The following CATSPERE variants were observed in gnomAD, a reference collection of about 807,000 sequenced individuals.
The protein encoded by CATSPERE is catsper channel auxiliary subunit epsilon.
In CATSPERE, 93 loss-of-function variants were observed where a neutral mutation model predicts 114.1. That is an observed-to-expected ratio of 0.81 (90% CI 0.69 to 0.97). The LOEUF is 0.97. Ranked by LOEUF, CATSPERE falls within the 50% of genes least tolerant of loss-of-function variation. CATSPERE has a pLI of 0.00. For synonymous variants in CATSPERE, 341 were observed against 384.1 expected (o/e 0.89, Z 1.31); for missense variants, 1,058 against 1,131.6 (o/e 0.93, Z 0.93).
intron 10 of CATSPERE, among the ~76,000 whole-genome samples, chr1:244,571,847 T>C (rs1337267042): frequency 6.6e-6 from 1 of 152,162 alleles, no homozygotes; most frequent in African/African-American, 2.4e-5. Flanking sequence ...CCCTGGTGTC[T>C]CTTCCTTTTC....
chr1:244,572,690 T>G lies in CATSPERE; in HGVS notation c.1868T>G (p.Val623Gly). 6.2e-7 allele frequency: 1 copy of G among 1,613,940 alleles called. No homozygotes were observed. Among genetic ancestry groups the G allele is most frequent in the Non-Finnish European group, 8.5e-7 (1 of 1,179,922 alleles). The change falls in exon 11 of 22, where the codon GTG becomes GGG. Residue 623 changes from valine to glycine, a missense_variant. Transcript: ENST00000366534. The part of the protein sequence containing the change: ...YPENTGLYVI[V>G]ESYGPKILQE... ...GAAAACACTGGTCTGTATGTTATTG[T>G]GGAATCTTATGGCCCAAAAATATTA...
At chr1:244,637,805 C>T (rs902433916) in intron 21 of CATSPERE, among the ~76,000 whole-genome samples, 6 of 152,186 alleles carry the variant, frequency 3.9e-5, no homozygotes, top group African/African-American at 1.4e-4. Context: ...CTCAAACCTG[C>T]TTTCCTTAAT....
At chr1:244,502,593 C>T (rs976142779) in intron 7 of CATSPERE, among the ~76,000 whole-genome samples, 3 of 152,176 alleles carry the variant, frequency 2.0e-5, no homozygotes, top group Admixed American at 6.5e-5. Flanking sequence ...CGGCTCCTTA[C>T]TTCCACTGTT....
At chr1:244,553,344 A>G (rs1269341470) in intron 9 of CATSPERE, among the ~76,000 whole-genome samples, 5 of 151,774 alleles carry the variant, frequency 3.3e-5, no homozygotes, top group Non-Finnish European at 5.9e-5. Context: ...GGCAGATCAC[A>G]ATGTCAGGAG....
chr1:244,594,773 C>G (rs1217730153), intron 17 of CATSPERE, among the ~76,000 whole-genome samples: 2 of 152,162 alleles, frequency 1.3e-5, no homozygotes, highest in African/African-American at 4.8e-5. Flanking sequence ...GCTACCAGAA[C>G]TTTTCCCACT....
At chr1:244,485,048 C>T (rs3003308) in intron 5 of CATSPERE, among the ~76,000 whole-genome samples, 96,589 of 151,680 alleles carry the variant, frequency 0.64, 31,048 homozygotes, top group Middle Eastern at 0.73. Context: ...TCTCTGTGGT[C>T]GTTTTAAGAT....
At chr1:244,492,059 A>G (rs1365750627) in intron 6 of CATSPERE, among the ~76,000 whole-genome samples, 3 of 152,214 alleles carry the variant, frequency 2.0e-5, no homozygotes, top group Admixed American at 6.5e-5. Flanking sequence ...ATTCCAATCA[A>G]TAGAAAAAGA....
intron 2 of CATSPERE, among the ~76,000 whole-genome samples, chr1:244,475,838 C>T (rs542377669): frequency 9.1e-4 from 138 of 152,192 alleles, no homozygotes; most frequent in African/African-American, 3.2e-3. Context: ...CCCGGCCATA[C>T]CACAAATTTT....
chr1:244,587,146 T>C (rs1203748522), intron 13 of CATSPERE, among the ~76,000 whole-genome samples: 1 of 152,224 alleles, frequency 6.6e-6, no homozygotes, highest in Non-Finnish European at 1.5e-5. Flanking sequence ...GTCTCATCTT[T>C]AGATATAATG....
chr1:244,467,561 C>T (rs2148094304), intron 2 of CATSPERE, among the ~76,000 whole-genome samples: 1 of 152,246 alleles, frequency 6.6e-6, no homozygotes, highest in African/African-American at 2.4e-5. Flanking sequence ...TTGCTATTAT[C>T]CAATAGTGTT....
chr1:244,463,283 T>C (rs1476158146), intron 1 of CATSPERE, among the ~76,000 whole-genome samples: 1 of 152,198 alleles, frequency 6.6e-6, no homozygotes, highest in East Asian at 1.9e-4. Context: ...GGAGGTGGCT[T>C]GTATTATATT....
Position 244,573,665 on chromosome 1 carries a change from G to A in CATSPERE, c.1950+893G>A, listed in dbSNP as rs1250964199. Among the ~76,000 whole-genome samples, 5 of 152,112 alleles carry A rather than the reference G, an allele frequency of 3.3e-5. No individual in the cohort carries two copies. The highest frequency in any genetic ancestry group is 7.4e-5 in the Non-Finnish European group (5 of 68,012). On this transcript the variant is annotated intron_variant, in intron 11 of 21. Coordinates refer to ENST00000366534, the MANE Select transcript of CATSPERE (RefSeq NM_001130957.2). The surrounding 1 kb of genome is among the most constrained non-coding windows in gnomAD (Gnocchi z 4.0). ...CTCCAGACTAGACCTGGCTTCTTCT[G>A]TGGCAGTCTCAGGGCAGTGTTCCAA...
At chr1:244,466,439 T>C (rs2148086787) in intron 2 of CATSPERE, among the ~76,000 whole-genome samples, 1 of 152,320 alleles carries the variant, frequency 6.6e-6, no homozygotes, top group Admixed American at 6.5e-5. Flanking sequence ...TACTCTTCCA[T>C]ATTTCCAGAT....
At chr1:244,531,446 T>G (rs901358218) in intron 8 of CATSPERE, among the ~76,000 whole-genome samples, 1 of 152,166 alleles carries the variant, frequency 6.6e-6, no homozygotes, top group African/African-American at 2.4e-5. Flanking sequence ...CCATTTAGTA[T>G]GATACTAACT....
chr1:244,575,420 G>A lies in CATSPERE; in HGVS notation c.1950+2648G>A, dbSNP rs888190357. 1.2e-4 allele frequency among the ~76,000 whole-genome samples: 19 copies of A among 152,298 alleles called. No homozygotes were observed. The highest frequency in any genetic ancestry group is 4.6e-4 in the Admixed American group (7 of 15,300). Reference sequence around the variant, plus strand: ...CTGCGCGGCATGGTATCCTGGCCCCGGCACACTCACACTTTCCTGCTCAGC... The same window carrying A: ...CTGCGCGGCATGGTATCCTGGCCCCAGCACACTCACACTTTCCTGCTCAGC... On this transcript the variant is annotated intron_variant, in intron 11 of 21. Coordinates refer to ENST00000366534, the MANE Select transcript of CATSPERE (RefSeq NM_001130957.2). The surrounding 1 kb of genome is among the most constrained non-coding windows in gnomAD (Gnocchi z 4.5).
intron 17 of CATSPERE, among the ~76,000 whole-genome samples, chr1:244,594,427 T>G (rs1005850829): frequency 6.6e-6 from 1 of 152,230 alleles, no homozygotes; most frequent in Non-Finnish European, 1.5e-5. Context: ...CTGACTTTAT[T>G]CTTTTATTCT....
rs1423116298 is a variant in CATSPERE at position 244,465,645 on chromosome 1, G to A, written c.114+1689G>A. Among the ~76,000 whole-genome samples, 6 of 152,260 alleles carry A rather than the reference G, an allele frequency of 3.9e-5. No individual in the cohort carries two copies. The East Asian group carries it at 9.7e-4, about 25-fold the overall frequency. ...CTCTTAACTGCTATAGCTTTCTAAT[G>A]AGTCTTCGGATCTGGTCCTGTGAAC... On this transcript the variant is annotated intron_variant, in intron 2 of 21. Coordinates refer to ENST00000366534, the MANE Select transcript of CATSPERE (RefSeq NM_001130957.2).
At chr1:244,451,616 A>G, upstream of CATSPERE, 2 of 1,597,936 alleles carry the variant, frequency 1.3e-6, no homozygotes, top group Non-Finnish European at 1.7e-6. This position sits in a 1 kb window ranked among gnomAD's most constrained non-coding sequence, Gnocchi z 6.6. Context: ...GCTTCCCATG[A>G]GAGGCCCCGT....
chr1:244,582,910 GATATATATATATATATATATAT>G (rs66677443), intron 12 of CATSPERE, among the ~76,000 whole-genome samples: 81 of 142,410 alleles, frequency 5.7e-4, no homozygotes, highest in East Asian at 1.5e-3. Flanking sequence ...AACAGAATTT[GATATATATATATATATATATAT>G]ATATATATAT....
Sources: gnomAD v4.1 joint callset for allele counts (sites outside exome capture counted in the v4.1 genomes callset) on GRCh38, gnomAD v4.1.1 for gene constraint, Gnocchi (gnomAD v3.1) non-coding constraint, MANE v1.5 for transcripts, NCBI Gene and HGNC (gene_info 2026-07-23, HGNC 2026-07-21) for gene names.